Variants in WWOX observed in about 807,000 individuals in gnomAD.
WWOX encodes WW domain containing oxidoreductase, also known as WW domain-containing oxidoreductase.
In WWOX, 69 loss-of-function variants were observed where a neutral mutation model predicts 46.2. That is an observed-to-expected ratio of 1.49 (90% CI 1.23 to 1.82). The LOEUF (loss-of-function observed/expected upper bound fraction) is 1.82. Ranked by LOEUF, WWOX falls within the 40% of genes most tolerant of loss-of-function variation. WWOX has a pLI of 0.00. For missense variants in WWOX, 919 were observed against 542.6 expected (o/e 1.69, Z -6.89); for synonymous variants, 359 against 202.6 (o/e 1.77, Z -6.56).
chr16:79,084,271 C>G (rs964550151), intron 8 of WWOX, among the ~76,000 whole-genome samples: 2 of 152,034 alleles, frequency 1.3e-5, no homozygotes, highest in African/African-American at 2.4e-5. Context: ...TGTGCTAGAG[C>G]TGTACAAAGA....
chr16:78,655,062 T>A (rs971451319), intron 8 of WWOX, among the ~76,000 whole-genome samples: 3 of 152,172 alleles, frequency 2.0e-5, no homozygotes, highest in Non-Finnish European at 4.4e-5. Flanking sequence ...CCAAGTCTTC[T>A]GTGACCTTCT....
At chr16:78,405,571 G>A (rs1046950357) in intron 6 of WWOX, among the ~76,000 whole-genome samples, 2 of 152,182 alleles carry the variant, frequency 1.3e-5, no homozygotes, top group Non-Finnish European at 2.9e-5. Flanking sequence ...ATTGAGTAAG[G>A]GCAACAGAAA....
intron 5 of WWOX, among the ~76,000 whole-genome samples, chr16:78,219,160 CA>C (rs1221701832): frequency 2.0e-5 from 3 of 151,410 alleles, no homozygotes; most frequent in African/African-American, 7.3e-5. Flanking sequence ...AGATAGACCA[CA>C]AATTGATTTT....
intron 8 of WWOX, among the ~76,000 whole-genome samples, chr16:79,143,886 A>G (rs2050136438): frequency 6.6e-6 from 1 of 152,080 alleles, no homozygotes; most frequent in South Asian, 2.1e-4. Context: ...ACCCACCCAT[A>G]GTCATGAAAA....
At chr16:79,042,119 A>G (rs956221494) in intron 8 of WWOX, among the ~76,000 whole-genome samples, 1 of 152,070 alleles carries the variant, frequency 6.6e-6, no homozygotes, top group African/African-American at 2.4e-5. Flanking sequence ...GTTAACCTGC[A>G]CCCACGTTCC....
intron 8 of WWOX, among the ~76,000 whole-genome samples, chr16:78,608,644 A>G (rs2045822855): frequency 6.6e-6 from 1 of 152,170 alleles, no homozygotes; most frequent in Admixed American, 6.5e-5. Flanking sequence ...AACCCGTTCC[A>G]TCTTCCTGTC....
chr16:79,103,514 A>G (rs945718357), intron 8 of WWOX, among the ~76,000 whole-genome samples: 1 of 152,164 alleles, frequency 6.6e-6, no homozygotes, highest in Non-Finnish European at 1.5e-5. Context: ...CCTTAGCTGG[A>G]GAACACCCGT....
chr16:78,328,993 C>T (rs1420870246), intron 5 of WWOX, among the ~76,000 whole-genome samples: 1 of 152,030 alleles, frequency 6.6e-6, no homozygotes, highest in Non-Finnish European at 1.5e-5. Flanking sequence ...TCCCGAGTAC[C>T]TGGGACTACA....
intron 8 of WWOX, among the ~76,000 whole-genome samples, chr16:79,051,059 G>A (rs1181139256): frequency 6.6e-6 from 1 of 152,206 alleles, no homozygotes; most frequent in Non-Finnish European, 1.5e-5. Flanking sequence ...CAAGGAAGCT[G>A]TAGCCATTAT....
chr16:79,049,834 CAA>C (rs34371278), intron 8 of WWOX, among the ~76,000 whole-genome samples: 5,806 of 78,564 alleles, frequency 0.074, 103 homozygotes, highest in Middle Eastern at 0.1. Context: ...GACTCTGTCT[CAA>C]AAAAAAAAAA....
intron 5 of WWOX, among the ~76,000 whole-genome samples, chr16:78,215,813 C>T (rs1167756086): frequency 6.6e-6 from 1 of 151,742 alleles, no homozygotes; most frequent in Non-Finnish European, 1.5e-5. Context: ...GTAATCCCAG[C>T]TATTTGGGAC....
intron 8 of WWOX, among the ~76,000 whole-genome samples, chr16:78,594,976 C>T (rs1044471591): frequency 5.9e-5 from 9 of 152,208 alleles, no homozygotes; most frequent in Non-Finnish European, 1.2e-4. Flanking sequence ...ATAACCCTAT[C>T]CTTACTGTTG....
chr16:78,991,261 G>A (rs2046881109), intron 8 of WWOX, among the ~76,000 whole-genome samples: 1 of 152,064 alleles, frequency 6.6e-6, no homozygotes, highest in Non-Finnish European at 1.5e-5. Flanking sequence ...CCCACTTTTG[G>A]CAATGAGACA....
chr16:78,315,173 C>T (rs886265005), intron 5 of WWOX, among the ~76,000 whole-genome samples: 14 of 152,086 alleles, frequency 9.2e-5, no homozygotes, highest in South Asian at 4.1e-4. Flanking sequence ...ACTCTGAACG[C>T]GAGGCCAAAG....
At chr16:78,673,919 C>T (rs1275129748) in intron 8 of WWOX, among the ~76,000 whole-genome samples, 1 of 152,072 alleles carries the variant, frequency 6.6e-6, no homozygotes, top group Non-Finnish European at 1.5e-5. Flanking sequence ...TGGTTCATCC[C>T]ATTTGAGTTA....
chr16:78,803,901 A>G (rs2050959590), intron 8 of WWOX, among the ~76,000 whole-genome samples: 1 of 152,158 alleles, frequency 6.6e-6, no homozygotes, highest in Non-Finnish European at 1.5e-5. Flanking sequence ...CCATCACCAG[A>G]CAAACAGGTG....
intron 8 of WWOX, among the ~76,000 whole-genome samples, chr16:78,788,136 A>T (rs1240251679): frequency 6.6e-6 from 1 of 152,170 alleles, no homozygotes; most frequent in African/African-American, 2.4e-5. Context: ...ATGAACAAAG[A>T]TTTTAAATCT....
intron 5 of WWOX, among the ~76,000 whole-genome samples, chr16:78,379,813 C>T (rs72796065): frequency 0.053 from 8,093 of 152,224 alleles, 284 homozygotes; most frequent in East Asian, 0.12. Context: ...GGTTTGATCA[C>T]TGGAATTATT....
At chr16:78,697,399 T>C (rs7192304) in intron 8 of WWOX, among the ~76,000 whole-genome samples, 21,614 of 152,122 alleles carry the variant, frequency 0.14, 4,212 homozygotes, top group African/African-American at 0.44. Context: ...CAAAAACAAA[T>C]AGGTGGGACT....
Sources: gnomAD v4.1 joint callset for allele counts (sites outside exome capture counted in the v4.1 genomes callset) on GRCh38, gnomAD v4.1.1 for gene constraint, MANE v1.5 for transcripts, NCBI Gene and HGNC (gene_info 2026-07-23, HGNC 2026-07-21) for gene names.